The following DENND1B variants were observed in gnomAD, a reference collection of about 807,000 sequenced individuals.
DENND1B encodes the protein DENN domain containing 1B.
Under a neutral mutation model 90.1 loss-of-function variants are expected in DENND1B, and 59 were observed. The observed-to-expected ratio is 0.65, with a 90% confidence interval of 0.53 to 0.81. The LOEUF (loss-of-function observed/expected upper bound fraction) is 0.81, where lower values mean the gene tolerates loss of function less well. DENND1B is among the 40% of genes least tolerant of loss of function. The pLI is 0.00. For missense variants in DENND1B, 862 were observed against 912.6 expected, an observed-to-expected ratio of 0.94 and a Z score of 0.71; for synonymous variants, 337 against 324.6, an observed-to-expected ratio of 1.04 and a Z score of -0.41.
At chr1:197,676,251 T>C (rs1302448976) in intron 3 of DENND1B, among the ~76,000 whole-genome samples, 1 of 152,066 alleles carries the variant, frequency 6.6e-6, no homozygotes, top group Non-Finnish European at 1.5e-5. Context: ...CTATTGAAAC[T>C]GAAGTGTAAA....
intron 2 of DENND1B, among the ~76,000 whole-genome samples, chr1:197,762,357 C>T (rs1381793254): frequency 2.6e-5 from 4 of 151,962 alleles, no homozygotes; most frequent in Admixed American, 2.0e-4. Context: ...AGCTCTGCCT[C>T]GCGGGTTCAC....
At position 197,559,804 on chromosome 1, in the gene DENND1B, C is replaced by T. The variant is rs543546402; in HGVS notation, c.1150-6692G>A. On this transcript the variant is annotated intron_variant, in intron 15 of 22. Coordinates refer to ENST00000620048, the MANE Select transcript of DENND1B (RefSeq NM_001195215.2). Reference sequence around the variant, plus strand: ...TAGTGAAAACTACACTGAAGTGTTACAATAAATTACATCAACAGATATTTA... The same window carrying T: ...TAGTGAAAACTACACTGAAGTGTTATAATAAATTACATCAACAGATATTTA... Among the ~76,000 whole-genome samples the T allele has an allele frequency of 2.6e-5, 4 of 151,938 alleles. No homozygotes were observed. In the South Asian group the frequency reaches 6.2e-4, roughly 24 times the overall value.
At chr1:197,775,532 G>T (rs1330392416), upstream of DENND1B, 1 of 168,246 alleles carries the variant, frequency 5.9e-6, no homozygotes, top group South Asian at 2.0e-4. Flanking sequence ...CGCGCCCAGC[G>T]GCTTCACCTG....
At chr1:197,608,860 G>A (rs1057448608) in intron 12 of DENND1B, among the ~76,000 whole-genome samples, 2 of 150,104 alleles carry the variant, frequency 1.3e-5, no homozygotes, top group Non-Finnish European at 3.0e-5. Flanking sequence ...TTATTTAAGG[G>A]ACCACTCGAA....
At chr1:197,761,907 TTAAAAAAAAAAAAAA>T (rs1175379791) in intron 2 of DENND1B, 1 of 149,888 alleles carries the variant, frequency 6.7e-6, no homozygotes, top group Non-Finnish European at 1.5e-5. Flanking sequence ...ACAGCTCTAT[TTAAAAAAAAAAAAAA>T]AGTTTTTTTT....
intron 2 of DENND1B, among the ~76,000 whole-genome samples, chr1:197,723,883 A>G (rs1661406642): frequency 6.6e-6 from 1 of 152,116 alleles, no homozygotes; most frequent in East Asian, 1.9e-4. Flanking sequence ...TATTCACAAC[A>G]CTCATTATAC....
intron 20 of DENND1B, 35 bp from the exon 21 acceptor site, chr1:197,512,988 C>A: frequency 6.4e-7 from 1 of 1,567,272 alleles, no homozygotes; most frequent in Non-Finnish European, 8.7e-7. Flanking sequence ...TTGGCATTAG[C>A]AGTTTAAAAT....
At chr1:197,760,118 G>A (rs1654842459) in intron 2 of DENND1B, among the ~76,000 whole-genome samples, 1 of 152,138 alleles carries the variant, frequency 6.6e-6, no homozygotes, top group Non-Finnish European at 1.5e-5. Context: ...TGTATAAGAT[G>A]ACTAGAAAGC....
intron 13 of DENND1B, 187 bp downstream of exon 13, chr1:197,606,886 T>C (rs1000224931): frequency 1.8e-6 from 1 of 547,138 alleles, no homozygotes. Flanking sequence ...AATATGATGT[T>C]CCATTCAAAA....
intron 10 of DENND1B, among the ~76,000 whole-genome samples, chr1:197,629,728 C>A (rs1047471239): frequency 5.3e-5 from 8 of 151,640 alleles, no homozygotes; most frequent in Non-Finnish European, 8.8e-5. Flanking sequence ...AATTTTTGTT[C>A]TGTGAAAAAC....
At position 197,775,270 on chromosome 1, in the gene DENND1B, A is replaced by G. The variant is rs1657172508; in HGVS notation, c.-115T>C. 8.1e-6 allele frequency: 7 copies of G among 862,444 alleles called. No individual in the cohort carries two copies. The South Asian group carries it at 3.4e-4, about 42-fold the overall frequency. The allele number at this position is 862,444 out of a possible 1,614,324, so 53.4% of individuals were successfully genotyped here. On this transcript the variant is annotated 5_prime_UTR_variant, in exon 1 of 23. Coordinates refer to ENST00000620048, the MANE Select transcript of DENND1B (RefSeq NM_001195215.2). ...CGCCCACGCCGGCGGCCACACAGGG[A>G]AAGAGGCTGCTCACAGCAGCCGTGG...
chr1:197,629,325 C>T lies in DENND1B; in HGVS notation c.673-11566G>A, dbSNP rs1260542268. On this transcript the variant is annotated intron_variant, in intron 10 of 22. Coordinates refer to ENST00000620048, the MANE Select transcript of DENND1B (RefSeq NM_001195215.2). ...GGATTAAGAAAATGTGGCACATATACACCATGGAATACTATGCAGCCAGAA... is the reference window on the plus strand; with the variant it reads ...GGATTAAGAAAATGTGGCACATATATACCATGGAATACTATGCAGCCAGAA... Among the ~76,000 whole-genome samples, 16 of 152,128 alleles carry T rather than the reference C, an allele frequency of 1.1e-4. No individual in the cohort carries two copies. In the East Asian group the frequency reaches 2.7e-3, roughly 26 times the overall value.
chr1:197,753,389 G>T (rs981754985), intron 2 of DENND1B, among the ~76,000 whole-genome samples: 1 of 152,052 alleles, frequency 6.6e-6, no homozygotes, highest in Non-Finnish European at 1.5e-5. Context: ...AAGATCAAGG[G>T]TTGGAGGTAA....
chr1:197,574,212 C>T lies in DENND1B; in HGVS notation c.1149+8940G>A, dbSNP rs912865379. The stretch of plus-strand genomic sequence containing the variant: ...AAACCCCATCATCTCAGCCCAAAAT[C>T]TCCTTAAGCTGATAAGCAACTTCAG... On this transcript the variant is annotated intron_variant, in intron 15 of 22. Coordinates refer to ENST00000620048, the MANE Select transcript of DENND1B (RefSeq NM_001195215.2). Among the ~76,000 whole-genome samples, 5 of 152,188 alleles carry T rather than the reference C, an allele frequency of 3.3e-5. No individual in the cohort carries two copies. In the East Asian group the frequency reaches 9.6e-4, roughly 29 times the overall value.
chr1:197,544,540 T>C (rs1670572931), intron 18 of DENND1B, among the ~76,000 whole-genome samples: 1 of 152,174 alleles, frequency 6.6e-6, no homozygotes, highest in African/African-American at 2.4e-5. Flanking sequence ...CTTACTATTA[T>C]TCCCATTATT....
intron 15 of DENND1B, among the ~76,000 whole-genome samples, chr1:197,570,308 A>C (rs1390228256): frequency 6.6e-6 from 1 of 152,100 alleles, no homozygotes; most frequent in Non-Finnish European, 1.5e-5. Context: ...TTATCTCCAA[A>C]GAAGTACTGA....
intron 10 of DENND1B, among the ~76,000 whole-genome samples, chr1:197,620,008 C>T (rs1313473637): frequency 6.6e-6 from 1 of 151,018 alleles, no homozygotes; most frequent in Non-Finnish European, 1.5e-5. Flanking sequence ...AACTAAGCAA[C>T]CAGAATGAAT....
chr1:197,580,258 AT>A (rs36028786), intron 15 of DENND1B, among the ~76,000 whole-genome samples: 187 of 113,176 alleles, frequency 1.7e-3, no homozygotes, highest in African/African-American at 4.1e-3. Context: ...CGCCCAGCTA[AT>A]TTTTTTTTTT....
intron 3 of DENND1B, among the ~76,000 whole-genome samples, chr1:197,696,143 T>C (rs948384679): frequency 4.0e-5 from 6 of 151,452 alleles, no homozygotes; most frequent in African/African-American, 1.4e-4. Context: ...GTAGACTGGA[T>C]TTAATGTCAG....
Sources: gnomAD v4.1 joint callset for allele counts (sites outside exome capture counted in the v4.1 genomes callset) on GRCh38, gnomAD v4.1.1 for gene constraint, MANE v1.5 for transcripts, NCBI Gene and HGNC (gene_info 2026-07-23, HGNC 2026-07-21) for gene names.